The following FARS2 variants were observed in gnomAD, a reference collection of about 807,000 sequenced individuals.
FARS2 encodes the protein phenylalanine--tRNA ligase, mitochondrial.
Under a neutral mutation model 46.4 loss-of-function variants are expected in FARS2, and 40 were observed. The ratio of observed to expected loss-of-function variants is 0.86; its 90% CI spans 0.67 to 1.12. FARS2 has a LOEUF of 1.12. Among genes scored for constraint, FARS2 ranks in the 50% most tolerant of loss-of-function variants. The pLI, the probability that FARS2 is intolerant of heterozygous loss-of-function variation, is 0.00. For missense variants in FARS2, 513 were observed against 567.9 expected (o/e 0.90, Z 0.98); for synonymous variants, 234 against 214.9 (o/e 1.09, Z -0.78).
intron 1 of FARS2, among the ~76,000 whole-genome samples, chr6:5,281,885 C>G (rs17736496): frequency 2.0e-5 from 3 of 152,004 alleles, no homozygotes; most frequent in Non-Finnish European, 4.4e-5. Context: ...TGTGTTCACC[C>G]GGAGTCAGAT....
At chr6:5,521,875 T>C (rs1482679252) in intron 4 of FARS2, among the ~76,000 whole-genome samples, 1 of 152,208 alleles carries the variant, frequency 6.6e-6, no homozygotes, top group Admixed American at 6.5e-5. Context: ...GTCGAGTCTC[T>C]GCAAAGCTCC....
At chr6:5,722,530 C>T (rs547249778) in intron 6 of FARS2, among the ~76,000 whole-genome samples, 4 of 152,152 alleles carry the variant, frequency 2.6e-5, no homozygotes, top group Non-Finnish European at 5.9e-5. Context: ...AAGAGCAGGT[C>T]GACTGGGATA....
chr6:5,642,120 A>G (rs1219666097), intron 6 of FARS2, among the ~76,000 whole-genome samples: 1 of 152,172 alleles, frequency 6.6e-6, no homozygotes, highest in Non-Finnish European at 1.5e-5. Flanking sequence ...ACATATATGT[A>G]TGTGTATATT....
intron 6 of FARS2, among the ~76,000 whole-genome samples, chr6:5,659,924 G>A (rs1777773813): frequency 6.6e-6 from 1 of 152,156 alleles, no homozygotes; most frequent in Non-Finnish European, 1.5e-5. Context: ...CTTCTTTGGG[G>A]CATTTACATT....
chr6:5,426,081 A>G (rs892289060), intron 3 of FARS2, among the ~76,000 whole-genome samples: 3 of 152,212 alleles, frequency 2.0e-5, no homozygotes, highest in Admixed American at 1.3e-4. Flanking sequence ...ATTGAGGTGT[A>G]TAATTTTTGA....
intron 6 of FARS2, among the ~76,000 whole-genome samples, chr6:5,728,754 C>T (rs1438168050): frequency 1.3e-5 from 2 of 152,116 alleles, no homozygotes; most frequent in Admixed American, 1.3e-4. Context: ...CTCCCGCGGT[C>T]GGGTTTCTTC....
chr6:5,252,133 G>A, the FARS2 span, among the ~76,000 whole-genome samples: 1 of 152,124 alleles, frequency 6.6e-6, no homozygotes, highest in Non-Finnish European at 1.5e-5. Flanking sequence ...TAGGGAGCCT[G>A]TTTAACCATT....
At chr6:5,651,419 C>CGAAG (rs1297017337) in intron 6 of FARS2, among the ~76,000 whole-genome samples, 1 of 152,226 alleles carries the variant, frequency 6.6e-6, no homozygotes, top group African/African-American at 2.4e-5. Context: ...AACAGGCCTT[C>CGAAG]ATCTTGGTAG....
At chr6:5,418,641 G>A (rs1441652449) in intron 3 of FARS2, among the ~76,000 whole-genome samples, 1 of 152,186 alleles carries the variant, frequency 6.6e-6, no homozygotes, top group Non-Finnish European at 1.5e-5. Context: ...GAATGCTGAA[G>A]GGGTTCTTCT....
At chr6:5,273,514 G>GT (rs57173029) in intron 1 of FARS2, among the ~76,000 whole-genome samples, 55 of 150,210 alleles carry the variant, frequency 3.7e-4, no homozygotes, top group Non-Finnish European at 2.7e-4. Flanking sequence ...ATCAGATTGT[G>GT]TTTTTTTTTT....
rs535391588 is a variant in FARS2 at position 5,707,786 on chromosome 6, G to A, written c.1218-63505G>A. Among the ~76,000 whole-genome samples the A allele has an allele frequency of 3.1e-3, 475 of 152,308 alleles. 3 individuals carry two copies. Among genetic ancestry groups the A allele is most frequent in the Non-Finnish European group, 3.2e-3 (221 of 68,032 alleles). On this transcript the variant is annotated intron_variant, in intron 6 of 6. Transcript: ENST00000274680. Reference sequence around the variant, plus strand: ...CCATCCCCGGCGCACATCTCACAGAGCCCCATCTTGTCCCTGGGTAGCCTC... The same window carrying A: ...CCATCCCCGGCGCACATCTCACAGAACCCCATCTTGTCCCTGGGTAGCCTC...
chr6:5,392,033 C>T (rs77220321), intron 2 of FARS2, among the ~76,000 whole-genome samples: 6,896 of 152,074 alleles, frequency 0.045, 201 homozygotes, highest in South Asian at 0.083. Flanking sequence ...CTGTTGGGTG[C>T]GATTAATGGA....
At chr6:5,431,306 C>A in intron 4 of FARS2, 134 bp downstream of exon 4, 1 of 882,030 alleles carries the variant, frequency 1.1e-6, no homozygotes, top group Non-Finnish European at 1.8e-6. Flanking sequence ...TCTTCAGATT[C>A]CCCTCTAGAT....
intron 4 of FARS2, among the ~76,000 whole-genome samples, chr6:5,527,247 T>C (rs1055083628): frequency 1.3e-5 from 2 of 152,254 alleles, no homozygotes; most frequent in African/African-American, 4.8e-5. Context: ...CAATAAAGTC[T>C]CATGGCATTT....
At position 5,557,859 on chromosome 6, in the gene FARS2, G is replaced by A. The variant is rs138505261; in HGVS notation, c.1065+12519G>A. On this transcript the variant is annotated intron_variant, in intron 5 of 6. Transcript: ENST00000274680. ...CATAGGATAACTGGATAGGATTGGTGGGAAGTGTGTAGCTATGGAACACTT... is the reference window on the plus strand; with the variant it reads ...CATAGGATAACTGGATAGGATTGGTAGGAAGTGTGTAGCTATGGAACACTT... Among the ~76,000 whole-genome samples the A allele has an allele frequency of 1.8e-3, 274 of 152,244 alleles. 2 individuals are homozygous for A. Among genetic ancestry groups the A allele is most frequent in the African/African-American group, 6.0e-3 (248 of 41,538 alleles).
chr6:5,699,541 T>A (rs1321100267), intron 6 of FARS2, among the ~76,000 whole-genome samples: 1 of 150,816 alleles, frequency 6.6e-6, no homozygotes, highest in Non-Finnish European at 1.5e-5. Flanking sequence ...GGCGTCTCAC[T>A]CTGTCGTCCA....
At chr6:5,427,145 A>G (rs1762899194) in intron 3 of FARS2, among the ~76,000 whole-genome samples, 1 of 152,204 alleles carries the variant, frequency 6.6e-6, no homozygotes, top group African/African-American at 2.4e-5. Flanking sequence ...ATTTTAATAC[A>G]TGTATACAAT....
chr6:5,696,614 TTTTG>T (rs1758120087), intron 6 of FARS2, among the ~76,000 whole-genome samples: 1 of 152,188 alleles, frequency 6.6e-6, no homozygotes, highest in Non-Finnish European at 1.5e-5. Context: ...TTATTCCATT[TTTTG>T]TTTGTATGAA....
At chr6:5,656,514 A>G (rs1777611993) in intron 6 of FARS2, among the ~76,000 whole-genome samples, 2 of 137,904 alleles carry the variant, frequency 1.5e-5, no homozygotes, top group African/African-American at 2.8e-5. Context: ...ACATTAAACA[A>G]ACTCTTGACT....
Sources: allele counts gnomAD v4.1 joint callset (sites outside exome capture counted in the v4.1 genomes callset), GRCh38; gene constraint gnomAD v4.1.1; transcripts MANE v1.5; gene names NCBI Gene and HGNC (gene_info 2026-07-23, HGNC 2026-07-21).